WDR19: variants seen among roughly 807,000 people sequenced by gnomAD.
WDR19 encodes WD repeat-containing protein 19.
WDR19 carries 121 observed loss-of-function variants against 180.0 expected under a neutral mutation model. The ratio of observed to expected loss-of-function variants is 0.67; its 90% CI spans 0.58 to 0.78. The LOEUF is 0.78. WDR19 is among the 30% of genes least tolerant of loss of function. The pLI, the probability that WDR19 is intolerant of heterozygous loss-of-function variation, is 0.00. For synonymous variants in WDR19, 497 were observed against 540.7 expected, an observed-to-expected ratio of 0.92 and a Z score of 1.12; for missense variants, 1,450 against 1,640.7, an observed-to-expected ratio of 0.88 and a Z score of 2.01.
intron 1 of WDR19, 106 bp downstream of exon 1, chr4:39,182,669 A>T (rs1725062705): frequency 1.3e-6 from 2 of 1,525,232 alleles, no homozygotes; most frequent in Non-Finnish European, 1.8e-6. Context: ...AGTTCGTTGG[A>T]AATGAGGAAG....
rs924561850 is a variant in WDR19 at position 39,185,801 on chromosome 4, T to C, written c.82T>C (p.Tyr28His). ...TGCCTGGCAAAAAACATCAGGAAAC[T>C]ACCTTGCAGTAACAGGGTAAGAAAC... ...QFAWQKTSGN[Y>H]LAVTGADYIV... Residue 28 changes from tyrosine to histidine, a missense_variant, in exon 2 of 37, where the codon TAC (tyrosine) becomes CAC (histidine). Tyr to His is a moderately conservative substitution (Grantham distance 83, BLOSUM62 2). Coordinates refer to ENST00000399820, the MANE Select transcript of WDR19 (RefSeq NM_025132.4). The C allele has an allele frequency of 8.4e-6, 13 of 1,553,244 alleles. No homozygotes were observed. In the East Asian group the frequency reaches 1.7e-4, roughly 20 times the overall value.
intron 32 of WDR19, chr4:39,273,273 A>T: frequency 2.0e-6 from 1 of 508,908 alleles, no homozygotes. Flanking sequence ...GTAGTACCAA[A>T]GCCGAGATTT....
intron 5 of WDR19, 163 bp downstream of exon 5, chr4:39,194,822 T>A (rs963282795): frequency 5.2e-6 from 3 of 579,772 alleles, no homozygotes; most frequent in Non-Finnish European, 9.2e-6. Flanking sequence ...TGAAGATCCC[T>A]GTTCACTGCT....
At position 39,253,268 on chromosome 4, in the gene WDR19, T is replaced by A; in HGVS notation, c.2852T>A (p.Leu951Gln). The change falls in exon 25 of 37, where the codon CTG becomes CAG. Residue 951 changes from leucine (L) to glutamine (Q), a missense_variant. Physicochemically the swap from Leu to Gln is moderately radical, Grantham distance 113. Transcript: ENST00000399820. ...AVNIVRETQS[L>Q]DGAKMVARFF... is the part of the protein sequence containing the mutation. ...AATATTGTTAGAGAGACCCAGTCTC[T>A]GGATGGAGCCAAAATGGTAGCCAGG... The A allele has an allele frequency of 6.2e-7, 1 of 1,612,852 alleles. No individual in the cohort carries two copies. The highest frequency in any genetic ancestry group is 1.1e-5 in the South Asian group (1 of 90,620).
In WDR19 at chr4:39,274,910, G is replaced by T; in HGVS notation, c.3668G>T (p.Arg1223Leu). The change falls in exon 33 of 37, where the codon CGC (arginine) becomes CTC (leucine). Residue 1223 changes from arginine (R) to leucine (L), a missense_variant. By Grantham distance (102) the Arg-to-Leu change is moderately radical. Transcript: ENST00000399820. ...GCTATGTTGATGAGGCCTGAATACC[G>T]CAGCAAAATAGATGCCAAATACAAA... is the stretch of plus-strand genomic sequence containing the variant. The part of the protein sequence containing the change: ...FAAMLMRPEY[R>L]SKIDAKYKKK... 6.2e-7 allele frequency: 1 copy of T among 1,614,014 alleles called. No homozygotes were observed. The highest frequency in any genetic ancestry group is 8.5e-7 in the Non-Finnish European group (1 of 1,179,896).
rs1359638534 is a variant in WDR19, at chr4:39,268,076, G to A, written c.3343G>A (p.Glu1115Lys). The A allele has an allele frequency of 6.3e-7, 1 of 1,592,424 alleles. No homozygotes were observed. Among genetic ancestry groups the A allele is most frequent in the Admixed American group, 1.7e-5 (1 of 57,206 alleles). Residue 1115 changes from glutamate (E) to lysine (K), a missense_variant, in exon 30 of 37, where the codon GAA becomes AAA. Transcript: ENST00000399820. ...CCAGACTGCCATCATCATTGCCAGA[G>A]AAGAGCAGTCTGCAGGTAGGTCCGT... ...AAQTAIIIAR[E>K]EQSAGNYRNA...
intron 32 of WDR19, 31 bp from the exon 33 acceptor site, chr4:39,274,777 G>A: frequency 6.2e-7 from 1 of 1,604,072 alleles, no homozygotes; most frequent in Non-Finnish European, 8.5e-7. Flanking sequence ...CAGACACTGT[G>A]CTGTTGCTGC....
rs772600757 is a variant in WDR19 at position 39,228,249 on chromosome 4, A to G, written c.1669A>G (p.Thr557Ala). Residue 557 changes from threonine (T) to alanine (A), a missense_variant, in exon 16 of 37, where the codon ACC becomes GCC. By Grantham distance (58) the Thr-to-Ala change is moderately conservative. Transcript: ENST00000399820. ...CTATGAGATTCCAGATTTTTCACCAACCATTAAAGGTGTTCTTTGGGAAAA... is the reference window on the plus strand; with the variant it reads ...CTATGAGATTCCAGATTTTTCACCAGCCATTAAAGGTGTTCTTTGGGAAAA... Reference protein sequence around the residue: ...ATYEIPDFSPTIKGVLWENWP... With the variant: ...ATYEIPDFSPAIKGVLWENWP... 7 of 1,613,394 alleles carry G rather than the reference A, an allele frequency of 4.3e-6. No individual in the cohort carries two copies. Among genetic ancestry groups the G allele is most frequent in the East Asian group, 2.2e-5 (1 of 44,854 alleles).
At position 39,274,865 on chromosome 4, in the gene WDR19, ACT is replaced by A; in HGVS notation, c.3626_3627del (p.Ser1209CysfsTer12). ...GAGTGTCACAGGGCAGGCCTGAAGA[ACT>A]CTGCTTTCAGCTTCGCAGCTATGTT... On this transcript the variant is annotated frameshift_variant, in exon 33 of 37. Coordinates refer to ENST00000399820, the MANE Select transcript of WDR19 (RefSeq NM_025132.4). LOFTEE classifies it high-confidence loss of function. 6.2e-7 allele frequency: 1 copy of A among 1,613,960 alleles called. No individual in the cohort carries two copies. Among genetic ancestry groups the A allele is most frequent in the Non-Finnish European group, 8.5e-7 (1 of 1,179,884 alleles).
rs1479151597 is a variant in WDR19 at position 39,285,662 on chromosome 4, G to GTACTT, written c.*191_*195dup. The stretch of plus-strand genomic sequence containing the variant: ...ATGACATGTAACCTTGCTGTTTATT[G>GTACTT]TACTTTGTATATTATTTCCTCTTCA... On this transcript the variant is annotated 3_prime_UTR_variant, in exon 37 of 37. Coordinates refer to ENST00000399820, the MANE Select transcript of WDR19 (RefSeq NM_025132.4). The GTACTT allele has an allele frequency of 2.6e-5, 4 of 152,128 alleles. No homozygotes were observed. Among genetic ancestry groups the GTACTT allele is most frequent in the Non-Finnish European group, 5.9e-5 (4 of 68,022 alleles). 9.4% of individuals were successfully genotyped at this position (152,128 alleles called of 1,614,324 possible). A position where few individuals can be genotyped will look rare whatever the true frequency, so the allele number is the denominator to read the frequency against.
At chr4:39,214,117 T>C (rs1018483770) in intron 9 of WDR19, among the ~76,000 whole-genome samples, 6 of 152,228 alleles carry the variant, frequency 3.9e-5, no homozygotes, top group Non-Finnish European at 7.3e-5. Flanking sequence ...CCCGCATTTT[T>C]CAGAGCTTTC....
intron 23 of WDR19, 45 bp downstream of exon 23, chr4:39,244,597 A>T: frequency 6.2e-7 from 1 of 1,610,816 alleles, no homozygotes; most frequent in South Asian, 1.1e-5. Flanking sequence ...TTGGAAATGA[A>T]TGTGCCTCTG....
rs1159084652 is a variant in WDR19 at position 39,218,201 on chromosome 4, A to G, written c.1479+96A>G. Reference sequence around the variant, plus strand: ...CTTTTCCTACCAGTCTTTTTTCTATATTGAATCCAATACAATTAATGAAGT... The same window carrying G: ...CTTTTCCTACCAGTCTTTTTTCTATGTTGAATCCAATACAATTAATGAAGT... On this transcript the variant is annotated intron_variant, in intron 14 of 36. Transcript: ENST00000399820. 12 of 1,366,350 alleles carry G rather than the reference A, an allele frequency of 8.8e-6. No individual in the cohort carries two copies. The Admixed American group carries it at 2.2e-4, about 25-fold the overall frequency. 84.6% of individuals were successfully genotyped at this position (1,366,350 alleles called of 1,614,324 possible).
chr4:39,278,031 G>C (rs2109524445), intron 34 of WDR19, 100 bp from the exon 35 acceptor site: 1 of 1,042,636 alleles, frequency 9.6e-7, no homozygotes, highest in African/African-American at 1.7e-5. Context: ...TCCAGCCTGG[G>C]TGACTGGGCA....
At chr4:39,193,173 T>G (rs933399771) in intron 4 of WDR19, among the ~76,000 whole-genome samples, 1 of 151,562 alleles carries the variant, frequency 6.6e-6, no homozygotes, top group Non-Finnish European at 1.5e-5. Context: ...TTCTTTTTTT[T>G]TTTTTTGAGA....
intron 28 of WDR19, among the ~76,000 whole-genome samples, chr4:39,260,984 A>C (rs936236505): frequency 6.6e-6 from 1 of 151,838 alleles, no homozygotes; most frequent in African/African-American, 2.4e-5. Flanking sequence ...ATAATAGCCC[A>C]TATTTTTTTG....
Position 39,198,673 on chromosome 4 carries a change from T to C in WDR19, c.407-805T>C, listed in dbSNP as rs1577855401. Among the ~76,000 whole-genome samples, 5 of 151,934 alleles carry C rather than the reference T, an allele frequency of 3.3e-5. 1 individual carries two copies. ...TTGAGCTCAGGAGTTGGAGACCAACTTGAGCAACAAAGTGAAACCACATCT... is the reference window on the plus strand; with the variant it reads ...TTGAGCTCAGGAGTTGGAGACCAACCTGAGCAACAAAGTGAAACCACATCT... On this transcript the variant is annotated intron_variant, in intron 5 of 36. Coordinates refer to ENST00000399820, the MANE Select transcript of WDR19 (RefSeq NM_025132.4).
intron 19 of WDR19, 102 bp downstream of exon 19, chr4:39,232,374 C>T: frequency 1.0e-6 from 1 of 971,476 alleles, no homozygotes; most frequent in Non-Finnish European, 1.5e-6. Context: ...CCTCTAATTC[C>T]AGCACTTTGG....
rs758077216 is a variant in WDR19 at position 39,274,852 on chromosome 4, G to A, written c.3610G>A (p.Ala1204Thr). The change falls in exon 33 of 37, where the codon GCA becomes ACA. Residue 1204 changes from alanine (A) to threonine (T), a missense_variant. Physicochemically the swap from Ala to Thr is moderately conservative, Grantham distance 58. Transcript: ENST00000399820. Reference protein sequence around the residue: ...LTSTVIECHRAGLKNSAFSFA... With the variant: ...LTSTVIECHRTGLKNSAFSFA... The stretch of plus-strand genomic sequence containing the variant: ...GTCAACTGTGATTGAGTGTCACAGG[G>A]CAGGCCTGAAGAACTCTGCTTTCAG... The A allele has an allele frequency of 6.2e-7, 1 of 1,613,976 alleles. No individual in the cohort carries two copies. The highest frequency in any genetic ancestry group is 8.5e-7 in the Non-Finnish European group (1 of 1,179,888).
Sources: allele counts gnomAD v4.1 joint callset (sites outside exome capture counted in the v4.1 genomes callset), GRCh38; gene constraint gnomAD v4.1.1; transcripts MANE v1.5; gene names NCBI Gene and HGNC (gene_info 2026-07-23, HGNC 2026-07-21).